Variants in STPG2 observed in about 807,000 individuals in gnomAD.
STPG2 encodes the protein sperm-tail PG-rich repeat-containing protein 2.
A neutral mutation model predicts 54.2 loss-of-function variants in STPG2; 56 were observed. The observed-to-expected ratio is 1.03, with a 90% confidence interval of 0.83 to 1.29. STPG2 has a LOEUF of 1.29. Ranked by LOEUF, STPG2 falls within the 50% of genes most tolerant of loss-of-function variation. STPG2 has a pLI of 0.00. For missense variants in STPG2, 596 were observed against 544.9 expected (o/e 1.09, Z -0.93); for synonymous variants, 200 against 181.8 (o/e 1.10, Z -0.81).
intron 4 of STPG2, among the ~76,000 whole-genome samples, chr4:97,502,735 CA>C (rs200962032): frequency 6.6e-6 from 1 of 150,644 alleles, no homozygotes; most frequent in Middle Eastern, 3.4e-3. Flanking sequence ...TAAACCCTGA[CA>C]AAAAAAATAA....
chr4:97,865,610 C>A (rs1729739824), intron 8 of STPG2, among the ~76,000 whole-genome samples: 1 of 151,392 alleles, frequency 6.6e-6, no homozygotes. Context: ...GACAAAAAAC[C>A]AAACACCACA....
intron 4 of STPG2, among the ~76,000 whole-genome samples, chr4:97,503,308 A>G (rs1345067438): frequency 6.6e-6 from 1 of 152,092 alleles, no homozygotes; most frequent in Non-Finnish European, 1.5e-5. Context: ...GAATTTATGG[A>G]TAACATATTT....
chr4:97,652,943 T>C (rs904189250), intron 10 of STPG2, among the ~76,000 whole-genome samples: 8 of 152,022 alleles, frequency 5.3e-5, no homozygotes, highest in African/African-American at 1.7e-4. Context: ...TGTCCAAATA[T>C]AATGCAGTGA....
intron 4 of STPG2, among the ~76,000 whole-genome samples, chr4:97,549,510 T>G (rs570270384): frequency 6.6e-6 from 1 of 152,110 alleles, no homozygotes; most frequent in South Asian, 2.1e-4. Context: ...TATGTAGGGG[T>G]GATGAGTTGA....
downstream of STPG2, among the ~76,000 whole-genome samples, chr4:97,556,984 C>T (rs141891554): frequency 1.1e-3 from 161 of 152,232 alleles, 3 homozygotes; most frequent in East Asian, 0.026. Flanking sequence ...AGCTCGAGAC[C>T]ATCCTGGTCA....
At chr4:98,068,554 G>A (rs1220494981) in intron 5 of STPG2, among the ~76,000 whole-genome samples, 1 of 152,112 alleles carries the variant, frequency 6.6e-6, no homozygotes, top group African/African-American at 2.4e-5. Context: ...ATATTAAAAT[G>A]AACCAAAATC....
intron 10 of STPG2, among the ~76,000 whole-genome samples, chr4:97,569,826 A>G (rs920054458): frequency 6.6e-6 from 1 of 152,126 alleles, no homozygotes; most frequent in Non-Finnish European, 1.5e-5. Flanking sequence ...CTCCCTATAA[A>G]TTATTAATTA....
intron 1 of STPG2, among the ~76,000 whole-genome samples, chr4:98,137,693 A>G (rs537682778): frequency 6.6e-6 from 1 of 151,900 alleles, no homozygotes; most frequent in Admixed American, 6.6e-5. Flanking sequence ...TACCTTAAAC[A>G]AATGTAAAAT....
intron 5 of STPG2, among the ~76,000 whole-genome samples, chr4:98,076,745 T>C (rs1337729882): frequency 6.6e-6 from 1 of 152,176 alleles, no homozygotes; most frequent in Non-Finnish European, 1.5e-5. Flanking sequence ...ACAGGTATAG[T>C]TAGAAAAGCT....
intron 7 of STPG2, among the ~76,000 whole-genome samples, chr4:97,960,817 T>A (rs979734796): frequency 4.0e-5 from 6 of 151,736 alleles, no homozygotes; most frequent in Admixed American, 6.6e-5. Flanking sequence ...CAAAATACCA[T>A]CATCACCCTC....
At chr4:97,931,858 A>G (rs776598967) in intron 8 of STPG2, among the ~76,000 whole-genome samples, 1 of 152,046 alleles carries the variant, frequency 6.6e-6, no homozygotes, top group African/African-American at 2.4e-5. Flanking sequence ...TCAGCTATGA[A>G]TCCATCAGGT....
At chr4:98,083,450 A>T (rs1738411795) in intron 5 of STPG2, among the ~76,000 whole-genome samples, 1 of 152,192 alleles carries the variant, frequency 6.6e-6, no homozygotes, top group Admixed American at 6.5e-5. Flanking sequence ...GAAAATATGA[A>T]AACACTATTA....
At chr4:98,005,026 T>C (rs1164132324) in intron 5 of STPG2, among the ~76,000 whole-genome samples, 1 of 151,970 alleles carries the variant, frequency 6.6e-6, no homozygotes, top group Non-Finnish European at 1.5e-5. Flanking sequence ...TTTTTAGTTT[T>C]GTTTGCTCCT....
Position 97,981,265 on chromosome 4 carries a change from AG to A in STPG2, c.665del (p.Pro222LeufsTer8), listed in dbSNP as rs1734667934. The A allele has an allele frequency of 6.2e-7, 1 of 1,614,060 alleles. No individual in the cohort carries two copies. Among genetic ancestry groups the A allele is most frequent in the Non-Finnish European group, 8.5e-7 (1 of 1,179,966 alleles). On this transcript the variant is annotated frameshift_variant, in exon 6 of 11. Transcript: ENST00000295268. LOFTEE classifies it high-confidence loss of function. Reference protein sequence around the residue: ...ITPAPGTYNEPRTALKSLKKT... With the variant: ...ITPAPGTYNEXRTALKSLKKT... ...TCTTCAAAGACTTGAGAGCAGTTCG[AG>A]GTTCATTATATGTGCCAGGAGCCGG...
At chr4:97,883,120 C>T (rs1319545587) in intron 8 of STPG2, among the ~76,000 whole-genome samples, 2 of 151,572 alleles carry the variant, frequency 1.3e-5, no homozygotes, top group Non-Finnish European at 1.5e-5. Flanking sequence ...GAGTTTGAGA[C>T]TAGCATGGGC....
intron 5 of STPG2, among the ~76,000 whole-genome samples, chr4:98,089,180 G>A (rs1453117672): frequency 1.3e-5 from 2 of 151,946 alleles, no homozygotes; most frequent in Admixed American, 6.6e-5. Flanking sequence ...GTACCCAGTA[G>A]GTAGTCTTTA....
At chr4:97,507,280 AGAGAT>A (rs1049979455) in intron 4 of STPG2, among the ~76,000 whole-genome samples, 3 of 152,130 alleles carry the variant, frequency 2.0e-5, no homozygotes, top group African/African-American at 7.2e-5. Context: ...AATTATGACT[AGAGAT>A]AACTAGGAAT....
chr4:98,010,765 G>A (rs974595633), intron 5 of STPG2, among the ~76,000 whole-genome samples: 2 of 151,936 alleles, frequency 1.3e-5, no homozygotes, highest in African/African-American at 2.4e-5. Context: ...GCAGTGCTAT[G>A]CTTCGAATCC....
At chr4:97,838,856 T>G (rs967545113) in intron 9 of STPG2, among the ~76,000 whole-genome samples, 1 of 151,584 alleles carries the variant, frequency 6.6e-6, no homozygotes, top group East Asian at 1.9e-4. Flanking sequence ...GAGGTCCATA[T>G]GGCTTTTTCC....
Sources: allele counts gnomAD v4.1 joint callset (sites outside exome capture counted in the v4.1 genomes callset), GRCh38; gene constraint gnomAD v4.1.1; transcripts MANE v1.5; gene names NCBI Gene and HGNC (gene_info 2026-07-23, HGNC 2026-07-21).